The following IFT140 variants were observed in gnomAD, a reference collection of about 807,000 sequenced individuals.
The protein encoded by IFT140 is intraflagellar transport protein 140 homolog.
Under a neutral mutation model 164.6 loss-of-function variants are expected in IFT140, and 133 were observed. That is an observed-to-expected ratio of 0.81 (90% CI 0.70 to 0.93). The LOEUF (loss-of-function observed/expected upper bound fraction) is 0.93, where lower values mean the gene tolerates loss of function less well. Ranked by LOEUF, IFT140 falls within the 40% of genes least tolerant of loss-of-function variation. The pLI is 0.00. For synonymous variants in IFT140, 860 were observed against 817.3 expected, an observed-to-expected ratio of 1.05 and a Z score of -0.89; for missense variants, 2,045 against 1,972.3, an observed-to-expected ratio of 1.04 and a Z score of -0.70.
At chr16:1,541,556 G>A (rs1296306784) in intron 19 of IFT140, 2 of 959,124 alleles carry the variant, frequency 2.1e-6, no homozygotes, top group Non-Finnish European at 1.2e-6. Context: ...TGTTGCTGGT[G>A]GGCTTCCCCT....
At chr16:1,541,427 T>TGG in intron 19 of IFT140, 1 of 985,310 alleles carries the variant, frequency 1.0e-6, no homozygotes, top group Non-Finnish European at 1.2e-6. Flanking sequence ...ATGAGCCGCT[T>TGG]GGGGGTCGGG....
intron 14 of IFT140, among the ~76,000 whole-genome samples, chr16:1,568,750 T>C (rs913471033): frequency 1.3e-5 from 2 of 151,868 alleles, no homozygotes; most frequent in Non-Finnish European, 2.9e-5. Flanking sequence ...TGAGACTCCA[T>C]CTCAAAAACA....
chr16:1,544,110 T>C (rs1290965161), intron 19 of IFT140, among the ~76,000 whole-genome samples: 2 of 146,076 alleles, frequency 1.4e-5, no homozygotes, highest in African/African-American at 2.6e-5. Flanking sequence ...CTCTGCCTCC[T>C]GGGTTCAAGC....
At position 1,523,484 on chromosome 16, in the gene IFT140, G is replaced by A. The variant is rs34819117; in HGVS notation, c.3453+34C>T. On this transcript the variant is annotated intron_variant, in intron 26 of 30. Coordinates refer to ENST00000426508, the MANE Select transcript of IFT140 (RefSeq NM_014714.4). The stretch of plus-strand genomic sequence containing the variant: ...AGGAGACCTGAGCCGTGGTGCCTGC[G>A]TGGAGCCGAGCCCAGGCCCCGCTGG... 194,841 of 1,592,772 alleles carry A rather than the reference G, an allele frequency of 0.12. 14,684 individuals carry two copies. Among genetic ancestry groups the A allele is most frequent in the Admixed American group, 0.3 (18,028 of 59,636 alleles).
rs544261833 is a variant in IFT140 at position 1,542,929 on chromosome 16, C to T, written c.2399+15006G>A. Among the ~76,000 whole-genome samples the T allele has an allele frequency of 7.2e-5, 11 of 152,364 alleles. No homozygotes were observed. In the East Asian group the frequency reaches 1.2e-3, roughly 16 times the overall value. On this transcript the variant is annotated intron_variant, in intron 19 of 30. Transcript: ENST00000426508. ...GTGACAGTGATGGAGTTGTCGTCAA[C>T]GACCTATGGAAGGGTCCTGCGGTGT...
At chr16:1,542,565 G>A (rs530781841) in intron 19 of IFT140, among the ~76,000 whole-genome samples, 2 of 152,358 alleles carry the variant, frequency 1.3e-5, no homozygotes, top group South Asian at 4.1e-4. Context: ...CATGTGCTCT[G>A]TTATAAACGC....
rs372784707 is a variant in IFT140 at position 1,569,260 on chromosome 16, A to C, written c.1653-926T>G. On this transcript the variant is annotated intron_variant, in intron 14 of 30. Coordinates refer to ENST00000426508, the MANE Select transcript of IFT140 (RefSeq NM_014714.4). ...CTTGACCTCGTGATCCGCCCGCCTC[A>C]GCCTCCCAAAGTGTTGGGATTACAG... is the stretch of plus-strand genomic sequence containing the variant. 1.6e-4 allele frequency among the ~76,000 whole-genome samples: 24 copies of C among 152,280 alleles called. No homozygotes were observed. In the East Asian group the frequency reaches 4.2e-3, roughly 27 times the overall value.
At chr16:1,540,656 G>A (rs2031544940) in intron 19 of IFT140, 1 of 175,314 alleles carries the variant, frequency 5.7e-6, no homozygotes, top group African/African-American at 2.4e-5. Context: ...TCTGGTGTCT[G>A]TGATGGATGC....
At chr16:1,519,856 G>A (rs1309216541) in intron 29 of IFT140, 25 bp downstream of exon 29, 1 of 1,516,196 alleles carries the variant, frequency 6.6e-7, no homozygotes, top group South Asian at 1.3e-5. Context: ...GCCCTGGCCT[G>A]TCCCCGCTGG....
At chr16:1,513,536 C>T (rs2040239117) in intron 30 of IFT140, among the ~76,000 whole-genome samples, 1 of 152,070 alleles carries the variant, frequency 6.6e-6, no homozygotes, top group Non-Finnish European at 1.5e-5. Context: ...CTTCTGACAA[C>T]AGCAGCACGA....
At chr16:1,548,886 T>C (rs1030668041) in intron 19 of IFT140, among the ~76,000 whole-genome samples, 7 of 152,210 alleles carry the variant, frequency 4.6e-5, no homozygotes, top group African/African-American at 1.7e-4. Context: ...TTCCGTGTAT[T>C]TGTTGGCTTT....
At chr16:1,513,729 A>G (rs374351475) in intron 30 of IFT140, among the ~76,000 whole-genome samples, 8 of 147,906 alleles carry the variant, frequency 5.4e-5, no homozygotes, top group East Asian at 2.2e-4. Flanking sequence ...GCTGGAGTGC[A>G]GTGGTGCGAT....
At chr16:1,583,186 G>T in intron 12 of IFT140, 128 bp downstream of exon 12, 2 of 808,668 alleles carry the variant, frequency 2.5e-6, no homozygotes, top group Non-Finnish European at 4.2e-6. Context: ...GGAAGCGCAG[G>T]CAGTAGCACA....
intron 19 of IFT140, among the ~76,000 whole-genome samples, chr16:1,545,254 C>T (rs1158707182): frequency 6.6e-6 from 1 of 151,970 alleles, no homozygotes; most frequent in Non-Finnish European, 1.5e-5. Flanking sequence ...AAGGTTGGAC[C>T]AGGCTCTGTT....
At chr16:1,528,383 G>GTGTGCACACACACGGA (rs2030003479) in intron 19 of IFT140, among the ~76,000 whole-genome samples, 1 of 121,300 alleles carries the variant, frequency 8.2e-6, no homozygotes, top group South Asian at 2.6e-4. Flanking sequence ...ATGCACGCAC[G>GTGTGCACACACACGGA]TGTGCACACA....
chr16:1,526,771 G>A lies in IFT140; in HGVS notation c.2425C>T (p.Arg809Cys), dbSNP rs755748472. ...KSEAVWENMA[R>C]MCVKTQRLDV... ...AGCCGCTGGGTCTTCACGCACATGCGCGCCATGTTCTCCCAGACGGCCTCA... is the reference window on the plus strand; with the variant it reads ...AGCCGCTGGGTCTTCACGCACATGCACGCCATGTTCTCCCAGACGGCCTCA... Residue 809 changes from arginine to cysteine, a missense_variant, in exon 20 of 31, where the codon CGC (arginine) becomes TGC (cysteine). Transcript: ENST00000426508. 20 of 1,610,324 alleles carry A rather than the reference G, an allele frequency of 1.2e-5. No homozygotes were observed. The highest frequency in any genetic ancestry group is 2.7e-5 in the African/African-American group (2 of 74,916).
intron 30 of IFT140, among the ~76,000 whole-genome samples, chr16:1,513,937 T>G (rs950110332): frequency 4.7e-5 from 7 of 150,284 alleles, no homozygotes; most frequent in Non-Finnish European, 7.4e-5. Flanking sequence ...CCTCCCAAAG[T>G]GCTGGGATTA....
At position 1,584,291 on chromosome 16, in the gene IFT140, C is replaced by T. The variant is rs1185910492; in HGVS notation, c.1285G>A (p.Val429Met). ...GCGACCCCCGTGGACAGGAAGCACA[C>T]ATTCAGCAGACTCGGGGAGACCTGC... ...AMQVSPSLLN[V>M]CFLSTGVAHS... Residue 429 changes from valine to methionine, a missense_variant, in exon 11 of 31, where the codon GTG becomes ATG. Transcript: ENST00000426508. The T allele has an allele frequency of 1.2e-6, 2 of 1,613,956 alleles. No individual in the cohort carries two copies. The highest frequency in any genetic ancestry group is 8.5e-7 in the Non-Finnish European group (1 of 1,180,016).
intron 19 of IFT140, among the ~76,000 whole-genome samples, chr16:1,557,376 C>T (rs954337565): frequency 6.6e-6 from 1 of 152,232 alleles, no homozygotes; most frequent in African/African-American, 2.4e-5. Context: ...GGCATTATCA[C>T]TGCACGTTGA....
Sources: allele counts gnomAD v4.1 joint callset (sites outside exome capture counted in the v4.1 genomes callset), GRCh38; gene constraint gnomAD v4.1.1; transcripts MANE v1.5; gene names NCBI Gene and HGNC (gene_info 2026-07-23, HGNC 2026-07-21).